Variants in SCARA5 observed in about 807,000 individuals in gnomAD.
SCARA5 encodes the protein scavenger receptor class A, member 5 (putative).
A neutral mutation model predicts 46.3 loss-of-function variants in SCARA5; 45 were observed. The observed-to-expected ratio is 0.97, with a 90% confidence interval of 0.76 to 1.24. The LOEUF (loss-of-function observed/expected upper bound fraction) is 1.24. Among genes scored for constraint, SCARA5 ranks in the 50% most tolerant of loss-of-function variants. The pLI, the probability that SCARA5 is intolerant of heterozygous loss-of-function variation, is 0.00. For missense variants in SCARA5, 680 were observed against 689.0 expected, an observed-to-expected ratio of 0.99 and a Z score of 0.15; for synonymous variants, 333 against 306.5, an observed-to-expected ratio of 1.09 and a Z score of -0.90.
intron 8 of SCARA5, 80 bp from the exon 9 acceptor site, chr8:27,872,150 C>T (rs765429538): frequency 1.5e-5 from 22 of 1,504,198 alleles, no homozygotes; most frequent in African/African-American, 5.5e-5. Context: ...CTGTGCCTGC[C>T]CTTGACTTGG....
chr8:27,876,774 G>A (rs969325270), intron 8 of SCARA5, among the ~76,000 whole-genome samples: 7 of 152,204 alleles, frequency 4.6e-5, no homozygotes, highest in Admixed American at 1.3e-4. Context: ...CAGCAGAGGC[G>A]GGGTGTTGGG....
intron 4 of SCARA5, among the ~76,000 whole-genome samples, chr8:27,914,713 A>T (rs755661937): frequency 6.0e-4 from 91 of 152,196 alleles, no homozygotes; most frequent in Non-Finnish European, 1.2e-3. Flanking sequence ...CAGGGCATGG[A>T]GGTGGCTGGG....
chr8:27,925,326 T>C (rs1807663230), intron 3 of SCARA5, among the ~76,000 whole-genome samples: 1 of 152,074 alleles, frequency 6.6e-6, no homozygotes, highest in Non-Finnish European at 1.5e-5. Context: ...GCCTCAGAAA[T>C]AACACCACAC....
At chr8:27,983,244 G>A (rs1321931889) in intron 2 of SCARA5, among the ~76,000 whole-genome samples, 1 of 152,236 alleles carries the variant, frequency 6.6e-6, no homozygotes, top group East Asian at 1.9e-4. Flanking sequence ...TGTTTCTCAG[G>A]TGGATGGGCA....
In SCARA5 at chr8:27,898,928, G is replaced by A. The variant is rs148807300; in HGVS notation, c.1153+5850C>T. On this transcript the variant is annotated intron_variant, in intron 7 of 8. Coordinates refer to ENST00000354914, the MANE Select transcript of SCARA5 (RefSeq NM_173833.6). ...GAACACATCGAGGTACCTGGCGGGCGGCGTGCCCAGAGAGGGCAGGGAAGC... is the reference window on the plus strand; with the variant it reads ...GAACACATCGAGGTACCTGGCGGGCAGCGTGCCCAGAGAGGGCAGGGAAGC... Among the ~76,000 whole-genome samples, 538 of 152,242 alleles carry A rather than the reference G, an allele frequency of 3.5e-3. 4 individuals are homozygous for A. The highest frequency in any genetic ancestry group is 0.012 in the African/African-American group (485 of 41,552).
intron 3 of SCARA5, among the ~76,000 whole-genome samples, chr8:27,929,773 A>G (rs1286402472): frequency 6.6e-6 from 1 of 152,210 alleles, no homozygotes; most frequent in East Asian, 1.9e-4. Flanking sequence ...TGTATGCCAA[A>G]CTTGGCTATA....
chr8:27,946,751 G>C (rs565388189), intron 3 of SCARA5, among the ~76,000 whole-genome samples: 4 of 152,164 alleles, frequency 2.6e-5, no homozygotes, highest in African/African-American at 9.7e-5. Flanking sequence ...AGAATCTGAC[G>C]AGGCCTCCTT....
rs138004496 is a variant in SCARA5 at position 27,911,730 on chromosome 8, C to G, written c.917-1987G>C. Among the ~76,000 whole-genome samples, 336 of 152,204 alleles carry G rather than the reference C, an allele frequency of 2.2e-3. 2 individuals carry two copies. Among genetic ancestry groups the G allele is most frequent in the African/African-American group, 7.6e-3 (317 of 41,522 alleles). On this transcript the variant is annotated intron_variant, in intron 4 of 8. Coordinates refer to ENST00000354914, the MANE Select transcript of SCARA5 (RefSeq NM_173833.6). ...AGAAGAAAGAAAAGAAAAGGAGGAC[C>G]ATGAAAAGTGGCCTTTATAGTGTCC...
In SCARA5 at chr8:27,922,277, C is replaced by T. The variant is rs367623416; in HGVS notation, c.242-32G>A. The T allele has an allele frequency of 5.4e-6, 8 of 1,477,386 alleles. No homozygotes were observed. In the African/African-American group the frequency reaches 1.2e-4, roughly 21 times the overall value. 91.5% of individuals were successfully genotyped at this position (1,477,386 alleles called of 1,614,324 possible). A position where few individuals can be genotyped will look rare whatever the true frequency, so the allele number is the denominator to read the frequency against. ...AGGAGGAAGAGGGGAGACTTGAGCACCGCTGGGGAGGAAGGCCCCGGGTGA... is the reference window on the plus strand; with the variant it reads ...AGGAGGAAGAGGGGAGACTTGAGCATCGCTGGGGAGGAAGGCCCCGGGTGA... On this transcript the variant is annotated intron_variant, in intron 3 of 8. Transcript: ENST00000354914.
At chr8:27,960,499 G>A (rs760238882) in intron 3 of SCARA5, among the ~76,000 whole-genome samples, 3 of 152,170 alleles carry the variant, frequency 2.0e-5, no homozygotes, top group Admixed American at 1.3e-4. Context: ...GTGCCAGGCA[G>A]TGAAAGAGTT....
At chr8:27,958,352 T>A (rs1808238214) in intron 3 of SCARA5, among the ~76,000 whole-genome samples, 3 of 152,112 alleles carry the variant, frequency 2.0e-5, no homozygotes, top group Admixed American at 2.0e-4. Flanking sequence ...CAGGAGAAGC[T>A]CTGATGGCTA....
At chr8:27,956,783 G>A (rs2129914691) in intron 3 of SCARA5, among the ~76,000 whole-genome samples, 1 of 152,308 alleles carries the variant, frequency 6.6e-6, no homozygotes, top group South Asian at 2.1e-4. Context: ...CTCATTCGGT[G>A]CTAGGCTCGT....
At chr8:27,956,441 T>C (rs1808208960) in intron 3 of SCARA5, among the ~76,000 whole-genome samples, 1 of 152,180 alleles carries the variant, frequency 6.6e-6, no homozygotes. Context: ...TATTCTGAGA[T>C]TTACAGGGAA....
intron 7 of SCARA5, among the ~76,000 whole-genome samples, chr8:27,896,509 C>G (rs1807065654): frequency 6.6e-6 from 1 of 152,128 alleles, no homozygotes; most frequent in Non-Finnish European, 1.5e-5. Context: ...CAGCATGGTT[C>G]CCTCCTCAGT....
intron 8 of SCARA5, 98 bp downstream of exon 8, chr8:27,879,471 G>T: frequency 8.3e-7 from 1 of 1,201,866 alleles, no homozygotes; most frequent in Non-Finnish European, 1.2e-6. Context: ...TGGGGACCTC[G>T]CGGAATTGCA....
rs375633272 is a variant in SCARA5 at position 27,926,022 on chromosome 8, A to G, written c.242-3777T>C. ...GGTGGGAGTGTAAATTAGTTCAACC[A>G]TCGTGGAAGACAGTGTGGCTATCCC... On this transcript the variant is annotated intron_variant, in intron 3 of 8. Coordinates refer to ENST00000354914, the MANE Select transcript of SCARA5 (RefSeq NM_173833.6). Among the ~76,000 whole-genome samples the G allele has an allele frequency of 2.4e-4, 36 of 152,366 alleles. No homozygotes were observed. In the East Asian group the frequency reaches 4.4e-3, roughly 19 times the overall value.
chr8:27,883,152 G>GA (rs1283087651), intron 7 of SCARA5, among the ~76,000 whole-genome samples: 1 of 152,214 alleles, frequency 6.6e-6, no homozygotes, highest in African/African-American at 2.4e-5. Flanking sequence ...TGGAGGAAAT[G>GA]AAAAATCAAT....
At chr8:27,950,227 G>A (rs956613511) in intron 3 of SCARA5, among the ~76,000 whole-genome samples, 3 of 151,884 alleles carry the variant, frequency 2.0e-5, no homozygotes, top group Non-Finnish European at 2.9e-5. Context: ...ACACCCACAC[G>A]CTCTTTGCCA....
chr8:27,915,772 G>T (rs983752727), intron 4 of SCARA5, among the ~76,000 whole-genome samples: 2 of 152,126 alleles, frequency 1.3e-5, no homozygotes, highest in Admixed American at 6.5e-5. Flanking sequence ...CCCCTCTCTG[G>T]CCTCAGGATC....
Sources: gnomAD v4.1 joint callset for allele counts (sites outside exome capture counted in the v4.1 genomes callset) on GRCh38, gnomAD v4.1.1 for gene constraint, MANE v1.5 for transcripts, NCBI Gene and HGNC (gene_info 2026-07-23, HGNC 2026-07-21) for gene names.